The following ITGA8 variants were observed in gnomAD, a reference collection of about 807,000 sequenced individuals.
ITGA8 encodes integrin subunit alpha 8.
In ITGA8, 91 loss-of-function variants were observed where a neutral mutation model predicts 142.3. That is an observed-to-expected ratio of 0.64 (90% CI 0.54 to 0.76). The LOEUF (loss-of-function observed/expected upper bound fraction) is 0.76. Among genes scored for constraint, ITGA8 ranks in the 30% least tolerant of loss-of-function variants. ITGA8 has a pLI of 0.00. For missense variants in ITGA8, 1,406 were observed against 1,327.7 expected, an observed-to-expected ratio of 1.06 and a Z score of -0.92; for synonymous variants, 505 against 485.2, an observed-to-expected ratio of 1.04 and a Z score of -0.54.
intron 8 of ITGA8, among the ~76,000 whole-genome samples, chr10:15,664,520 TTTA>T (rs35427499): frequency 6.7e-6 from 1 of 150,188 alleles, no homozygotes; most frequent in Non-Finnish European, 1.5e-5. Context: ...TTTTCCACAT[TTTA>T]TTATTATTAT....
chr10:15,677,664 C>G (rs750304202), intron 5 of ITGA8, 27 bp from the exon 6 acceptor site: 1 of 1,601,938 alleles, frequency 6.2e-7, no homozygotes, highest in East Asian at 2.2e-5. Context: ...GCAACAGCAA[C>G]CATAATTGGA....
chr10:15,678,719 C>A lies in ITGA8; in HGVS notation c.630+3G>T. 1 of 1,604,722 alleles carries A rather than the reference C, an allele frequency of 6.2e-7. No individual in the cohort carries two copies. Among genetic ancestry groups the A allele is most frequent in the African/African-American group, 1.3e-5 (1 of 74,822 alleles). ...TAGGAACTGCGAGACCAAAATAATT[C>A]ACCTTATAAAAATCCAGACTAAATC... On this transcript the variant is annotated splice_donor_region_variant and intron_variant, in intron 5 of 29. Transcript: ENST00000378076.
intron 27 of ITGA8, among the ~76,000 whole-genome samples, chr10:15,538,953 GTTTTT>G (rs367805176): frequency 0.44 from 58,061 of 131,726 alleles, 15,543 homozygotes; most frequent in Non-Finnish European, 0.58. Flanking sequence ...TCAGGTAAAG[GTTTTT>G]TTTTTTTTTT....
intron 25 of ITGA8, among the ~76,000 whole-genome samples, chr10:15,569,348 A>G (rs1834136867): frequency 1.3e-5 from 2 of 152,170 alleles, no homozygotes; most frequent in Non-Finnish European, 2.9e-5. Flanking sequence ...AAGAATGTGT[A>G]GACATGAACT....
intron 7 of ITGA8, 80 bp from the exon 8 acceptor site, chr10:15,671,727 GC>G (rs1353542976): frequency 3.7e-5 from 40 of 1,074,416 alleles, no homozygotes; most frequent in Non-Finnish European, 5.6e-5. Flanking sequence ...AGGTGAAAGG[GC>G]TACCATGGTA....
intron 2 of ITGA8, among the ~76,000 whole-genome samples, chr10:15,704,320 C>A (rs891219434): frequency 2.0e-5 from 3 of 152,164 alleles, no homozygotes; most frequent in Non-Finnish European, 4.4e-5. Flanking sequence ...TCAAATGCAC[C>A]TGTTTCTTAG....
rs1167931803 is a variant in ITGA8, at chr10:15,592,280, C to T, written c.2236G>A (p.Val746Ile). The change falls in exon 22 of 30, where the codon GTT becomes ATT. Residue 746 changes from valine to isoleucine, a missense_variant. Val to Ile is a conservative substitution (Grantham distance 29). Transcript: ENST00000378076. ...ATGTTTGTTTTCTCAAGACGTGGAA[C>T]TGCAAATCGGAGGCCCAGGGAATAC... ...TNYSLGLRFA[V>I]PRLEKTNMSI... is the part of the protein sequence containing the mutation. 8 of 1,613,638 alleles carry T rather than the reference C, an allele frequency of 5.0e-6. No individual in the cohort carries two copies. The highest frequency in any genetic ancestry group is 4.0e-5 in the African/African-American group (3 of 75,026).
chr10:15,650,425 G>C (rs776264657), intron 11 of ITGA8, among the ~76,000 whole-genome samples: 1 of 152,182 alleles, frequency 6.6e-6, no homozygotes, highest in Non-Finnish European at 1.5e-5. Flanking sequence ...GGCCATCAAG[G>C]TGGAGCCCCA....
At chr10:15,553,449 A>T (rs930572815) in intron 26 of ITGA8, among the ~76,000 whole-genome samples, 1 of 152,172 alleles carries the variant, frequency 6.6e-6, no homozygotes, top group East Asian at 1.9e-4. Flanking sequence ...TCTACTGTCA[A>T]GATGAAATAA....
chr10:15,631,789 A>AC (rs1386711044), intron 13 of ITGA8, among the ~76,000 whole-genome samples: 46 of 142,562 alleles, frequency 3.2e-4, no homozygotes, highest in East Asian at 4.2e-4. Flanking sequence ...TTCTAGCCCC[A>AC]CCCCCCCCAA....
Position 15,704,763 on chromosome 10 carries a change from C to G in ITGA8, c.343+14003G>C, listed in dbSNP as rs146830209. Among the ~76,000 whole-genome samples, 4 of 152,300 alleles carry G rather than the reference C, an allele frequency of 2.6e-5. No individual in the cohort carries two copies. In the East Asian group the frequency reaches 7.7e-4, roughly 29 times the overall value. ...ATGGGCATCTCAGGAAGGTGACTCA[C>G]TGACATAAATTTCTTCAATATGACC... On this transcript the variant is annotated intron_variant, in intron 2 of 29. Transcript: ENST00000378076.
rs757073860 is a variant in ITGA8 at position 15,572,252 on chromosome 10, G to C, written c.2596C>G (p.Gln866Glu). 2 of 1,613,804 alleles carry C rather than the reference G, an allele frequency of 1.2e-6. No homozygotes were observed. The highest frequency in any genetic ancestry group is 2.7e-5 in the African/African-American group (2 of 74,882). Reference sequence around the variant, plus strand: ...TTGATATTAGGATTTGGTTGGCACTGCAGAGGTCCCAGAGTTTGAATATGG... The same window carrying C: ...TTGATATTAGGATTTGGTTGGCACTCCAGAGGTCCCAGAGTTTGAATATGG... ...IFHIQTLGPL[Q>E]CQPNPNINPQ... is the part of the protein sequence containing the mutation. The change falls in exon 25 of 30, where the codon CAG (glutamine) becomes GAG (glutamate). Residue 866 changes from glutamine to glutamate, a missense_variant. Physicochemically the swap from Gln to Glu is conservative, Grantham distance 29. Coordinates refer to ENST00000378076, the MANE Select transcript of ITGA8 (RefSeq NM_003638.3).
intron 11 of ITGA8, among the ~76,000 whole-genome samples, chr10:15,650,899 T>C (rs1472049799): frequency 2.0e-5 from 3 of 152,160 alleles, no homozygotes; most frequent in Admixed American, 2.0e-4. Flanking sequence ...TACAACCTCT[T>C]TATGGTTTAA....
intron 27 of ITGA8, among the ~76,000 whole-genome samples, chr10:15,540,852 G>A (rs898604463): frequency 1.3e-5 from 2 of 152,144 alleles, no homozygotes; most frequent in African/African-American, 4.8e-5. Context: ...AGCTACTAAA[G>A]CAATCCCTAG....
chr10:15,617,337 T>A (rs1245843215), intron 13 of ITGA8, among the ~76,000 whole-genome samples: 3 of 151,778 alleles, frequency 2.0e-5, no homozygotes, highest in Non-Finnish European at 2.9e-5. Context: ...AATCCTGGAC[T>A]AGGTAAGGGG....
chr10:15,575,709 G>A, intron 23 of ITGA8, 115 bp from the exon 24 acceptor site: 1 of 742,668 alleles, frequency 1.3e-6, no homozygotes, highest in Non-Finnish European at 2.3e-6. Flanking sequence ...TATTTGAGTA[G>A]ATACTCCCTA....
chr10:15,520,150 G>C (rs1833030323), intron 28 of ITGA8, among the ~76,000 whole-genome samples: 1 of 152,130 alleles, frequency 6.6e-6, no homozygotes, highest in Non-Finnish European at 1.5e-5. Flanking sequence ...GGTGGCTCAT[G>C]CCTGTAATCC....
chr10:15,533,021 G>C (rs1833343630), intron 27 of ITGA8, among the ~76,000 whole-genome samples: 1 of 151,986 alleles, frequency 6.6e-6, no homozygotes, highest in Non-Finnish European at 1.5e-5. Flanking sequence ...GAAATCAGTG[G>C]CAAATGTTAC....
Position 15,657,509 on chromosome 10 carries a change from C to CTTTTTTTTTTTTTTTTTTTT in ITGA8, c.948+1489_948+1490insAAAAAAAAAAAAAAAAAAAA, listed in dbSNP as rs534714654. 3.7e-4 allele frequency among the ~76,000 whole-genome samples: 43 copies of CTTTTTTTTTTTTTTTTTTTT among 116,456 alleles called. 3 individuals are homozygous for CTTTTTTTTTTTTTTTTTTTT. The highest frequency in any genetic ancestry group is 6.0e-4 in the Non-Finnish European group (34 of 56,964). 76.4% of individuals were successfully genotyped at this position (116,456 alleles called of 152,430 possible). ...CTGCTGGTTTCTTTTTCTTTTCTTT[C>CTTTTTTTTTTTTTTTTTTTT]ATTTTTTTTTTTTTTTTTTTTTAAC... is the stretch of plus-strand genomic sequence containing the variant. On this transcript the variant is annotated intron_variant, in intron 10 of 29. Transcript: ENST00000378076.
Sources: allele counts gnomAD v4.1 joint callset (sites outside exome capture counted in the v4.1 genomes callset), GRCh38; gene constraint gnomAD v4.1.1; transcripts MANE v1.5; gene names NCBI Gene and HGNC (gene_info 2026-07-23, HGNC 2026-07-21).